Variants in CHAF1A observed in about 807,000 individuals in gnomAD.
CHAF1A encodes the protein CAF-1 subunit A.
In CHAF1A, 5 loss-of-function variants were observed where a neutral mutation model predicts 93.2. That is an observed-to-expected ratio of 0.05 (90% CI 0.03 to 0.11). The LOEUF (loss-of-function observed/expected upper bound fraction) is 0.11, where lower values mean the gene tolerates loss of function less well. Among genes scored for constraint, CHAF1A ranks in the 10% least tolerant of loss-of-function variants. CHAF1A has a pLI of 1.00. For missense variants in CHAF1A, 1,102 were observed against 1,259.9 expected (o/e 0.87, Z 1.90); for synonymous variants, 504 against 510.3 (o/e 0.99, Z 0.17).
At chr19:4,450,758 C>CAAAAAAAAAAAAAA in the CHAF1A span, 1 of 43,776 alleles carries the variant, frequency 2.3e-5, no homozygotes, top group African/African-American at 9.5e-5. Flanking sequence ...GACTCTGTCT[C>CAAAAAAAAAAAAAA]AAAAAAAAAA....
At chr19:4,447,266 C>A, downstream of CHAF1A, 1 of 571,142 alleles carries the variant, frequency 1.8e-6, no homozygotes. Context: ...GCATGAGAAA[C>A]CTCCCCAGAG....
chr19:4,428,415 C>A (rs923089323), intron 7 of CHAF1A, among the ~76,000 whole-genome samples: 4 of 151,914 alleles, frequency 2.6e-5, no homozygotes, highest in Non-Finnish European at 4.4e-5. Context: ...AAGATAAACC[C>A]TATTTCCATC....
At chr19:4,425,997 C>A (rs1025411776) in intron 7 of CHAF1A, among the ~76,000 whole-genome samples, 64 of 151,964 alleles carry the variant, frequency 4.2e-4, no homozygotes, top group African/African-American at 1.5e-3. Flanking sequence ...TTTTTCTGTT[C>A]GTTTGCCATT....
At chr19:4,424,994 G>A (rs186162554) in intron 7 of CHAF1A, among the ~76,000 whole-genome samples, 8 of 152,078 alleles carry the variant, frequency 5.3e-5, no homozygotes, top group African/African-American at 1.2e-4. Flanking sequence ...GGCTGGTCTC[G>A]ACGACCTGGC....
In CHAF1A at chr19:4,443,309, G is replaced by T; in HGVS notation, c.*284G>T. 1 of 413,938 alleles carries T rather than the reference G, an allele frequency of 2.4e-6. No individual in the cohort carries two copies. The highest frequency in any genetic ancestry group is 5.3e-5 in the East Asian group (1 of 18,832). 25.6% of individuals were successfully genotyped at this position (413,938 alleles called of 1,614,324 possible). A position where few individuals can be genotyped will look rare whatever the true frequency, so the allele number is the denominator to read the frequency against. ...GGCGTGGAATCCAATACTTGTAAATGAATTGAAGCGTCAGGACCACCCGCC... is the reference window on the plus strand; with the variant it reads ...GGCGTGGAATCCAATACTTGTAAATTAATTGAAGCGTCAGGACCACCCGCC... On this transcript the variant is annotated 3_prime_UTR_variant, in exon 15 of 15. Transcript: ENST00000301280.
intron 2 of CHAF1A, among the ~76,000 whole-genome samples, chr19:4,407,505 C>T (rs1973702889): frequency 1.3e-5 from 2 of 151,660 alleles, no homozygotes; most frequent in South Asian, 4.2e-4. Flanking sequence ...ATATTTTCTA[C>T]TTGAGAACCA....
downstream of CHAF1A, chr19:4,445,355 G>T: frequency 7.1e-7 from 1 of 1,404,060 alleles, no homozygotes; most frequent in Non-Finnish European, 9.7e-7. Context: ...CAATTCCACA[G>T]CTCCACGGCT....
rs1315193123 is a variant in CHAF1A at position 4,422,284 on chromosome 19, G to T, written c.1018-282G>T. Among the ~76,000 whole-genome samples the T allele has an allele frequency of 6.6e-6, 1 of 151,290 alleles. No homozygotes were observed. The highest frequency in any genetic ancestry group is 1.5e-5 in the Non-Finnish European group (1 of 67,810). ...TTGCCTCGGCCTCCCAAAGTGCTGGGATTACAGGCGTGAACCACCGCGCGC... is the reference window on the plus strand; with the variant it reads ...TTGCCTCGGCCTCCCAAAGTGCTGGTATTACAGGCGTGAACCACCGCGCGC... On this transcript the variant is annotated intron_variant, in intron 4 of 14. Coordinates refer to ENST00000301280, the MANE Select transcript of CHAF1A (RefSeq NM_005483.3). The surrounding 1 kb of genome is among the most constrained non-coding windows in gnomAD (Gnocchi z 4.6).
intron 13 of CHAF1A, among the ~76,000 whole-genome samples, chr19:4,438,037 G>A (rs750410337): frequency 6.6e-5 from 10 of 152,202 alleles, no homozygotes; most frequent in South Asian, 2.1e-4. Flanking sequence ...CACCACGCCC[G>A]GCATCTTTTC....
At chr19:4,432,709 A>C (rs957062046) in intron 12 of CHAF1A, among the ~76,000 whole-genome samples, 4 of 151,226 alleles carry the variant, frequency 2.6e-5, no homozygotes, top group African/African-American at 9.7e-5. Context: ...ACAGTGAGCC[A>C]TGATCCTGCC....
intron 13 of CHAF1A, among the ~76,000 whole-genome samples, chr19:4,435,055 C>T (rs551898855): frequency 1.4e-5 from 2 of 146,310 alleles, no homozygotes; most frequent in Middle Eastern, 3.3e-3. Context: ...ACACAGTGTT[C>T]GGAAGTGAGT....
At chr19:4,418,516 C>T (rs1686736137) in intron 4 of CHAF1A, among the ~76,000 whole-genome samples, 1 of 149,974 alleles carries the variant, frequency 6.7e-6, no homozygotes, top group South Asian at 2.1e-4. Context: ...CCCAGGTTCA[C>T]GCCATTCTCC....
chr19:4,432,622 T>A (rs1046498040), intron 12 of CHAF1A, among the ~76,000 whole-genome samples: 2 of 151,900 alleles, frequency 1.3e-5, no homozygotes, highest in African/African-American at 4.8e-5. Context: ...TACCTGGGTG[T>A]GGTATCACGC....
In CHAF1A at chr19:4,432,116, G is replaced by A. The variant is rs1449741063; in HGVS notation, c.2112G>A (p.Leu704=). The change falls in exon 12 of 15, where the codon CTG becomes CTA. Residue 704 remains leucine, a synonymous_variant. Transcript: ENST00000301280. ...GCGCAGGCGATGACCTGAAGGTACT[G>A]CAGCAGTTCGCAGCCTGCTTCCTGG... ...RDCAGDDLKV[L]QQFAACFLET... is the part of the protein sequence containing the mutation. The A allele has an allele frequency of 1.9e-6, 3 of 1,613,818 alleles. No individual in the cohort carries two copies. The South Asian group carries it at 3.3e-5, about 18-fold the overall frequency.
rs567077067 is a variant in CHAF1A, at chr19:4,413,181, C to T, written c.960+3422C>T. 2.8e-4 allele frequency among the ~76,000 whole-genome samples: 43 copies of T among 152,250 alleles called. No homozygotes were observed. The South Asian group carries it at 8.1e-3, about 29-fold the overall frequency. ...CTGCCTCCTGGGTTCAAGCAATTCT[C>T]CTGTCTCAACCTCCCAAGTAGCTGG... On this transcript the variant is annotated intron_variant, in intron 3 of 14. Coordinates refer to ENST00000301280, the MANE Select transcript of CHAF1A (RefSeq NM_005483.3).
chr19:4,442,934 C>A lies in CHAF1A; in HGVS notation c.2780C>A (p.Ala927Asp). The A allele has an allele frequency of 6.3e-7, 1 of 1,594,322 alleles. No homozygotes were observed. The highest frequency in any genetic ancestry group is 1.3e-5 in the African/African-American group (1 of 74,898). The change falls in exon 15 of 15, where the codon GCC becomes GAC. Residue 927 changes from alanine (A) to aspartate (D), a missense_variant. Physicochemically the swap from Ala to Asp is moderately radical, Grantham distance 126. Around this residue, in one of 6 missense-constraint regions of CHAF1A, gnomAD observed 119 missense variants for 102.2 expected, o/e 1.16. Coordinates refer to ENST00000301280, the MANE Select transcript of CHAF1A (RefSeq NM_005483.3). Reference protein sequence around the residue: ...VDVPDAAEVQAPCGAASGAGG... With the variant: ...VDVPDAAEVQDPCGAASGAGG... ...CTCTCTTGCCCTGCAGAGGTCCAAG[C>A]CCCGTGTGGAGCCGCTTCCGGAGCT...
chr19:4,433,089 G>A lies in CHAF1A; in HGVS notation c.2223G>A (p.Pro741=), dbSNP rs187007836. The A allele has an allele frequency of 7.1e-5, 112 of 1,584,922 alleles. 3 individuals carry two copies. The South Asian group carries it at 9.4e-4, about 13-fold the overall frequency. The change falls in exon 13 of 15, where the codon CCG becomes CCA. Residue 741 remains proline (P), a synonymous_variant. Transcript: ENST00000301280. The surrounding 1 kb of genome is among the most constrained non-coding windows in gnomAD (Gnocchi z 5.6). ...RDEQILAQLL[P]LLHGNVNGSK... ...TGCCAGTCCTGGCCCAGCTGCTGCC[G>A]CTCCTGCACGGCAATGTGAACGGGA...
At position 4,423,886 on chromosome 19, in the gene CHAF1A, G is replaced by T. The variant is rs750169856; in HGVS notation, c.1377+12G>T. The T allele has an allele frequency of 3.1e-6, 5 of 1,613,346 alleles. No homozygotes were observed. Among genetic ancestry groups the T allele is most frequent in the Non-Finnish European group, 8.5e-7 (1 of 1,179,492 alleles). ...CACAGGCCCCCAAGGTGAGCAGCCG[G>T]CTGCCTTTGCTTTTGGGTTTCAGCT... On this transcript the variant is annotated intron_variant, in intron 7 of 14. Transcript: ENST00000301280.
At chr19:4,442,201 G>T in intron 13 of CHAF1A, 44 bp from the exon 14 acceptor site, 1 of 1,520,328 alleles carries the variant, frequency 6.6e-7, no homozygotes, top group Non-Finnish European at 9.1e-7. Flanking sequence ...CACCAGGGTG[G>T]CTGCTGCCTG....
Sources: allele counts gnomAD v4.1 joint callset (sites outside exome capture counted in the v4.1 genomes callset), GRCh38; gene constraint gnomAD v4.1.1; regional missense constraint gnomAD v4.1.1; non-coding constraint Gnocchi (gnomAD v3.1); transcripts MANE v1.5; gene names NCBI Gene and HGNC (gene_info 2026-07-23, HGNC 2026-07-21).